SLC48A1: variants seen among roughly 807,000 people sequenced by gnomAD.
SLC48A1 encodes solute carrier family 48 member 1.
SLC48A1 carries 6 observed loss-of-function variants against 14.8 expected under a neutral mutation model. That is an observed-to-expected ratio of 0.41 (90% CI 0.22 to 0.80). The LOEUF (loss-of-function observed/expected upper bound fraction) is 0.80. Ranked by LOEUF, SLC48A1 falls within the 30% of genes least tolerant of loss-of-function variation. SLC48A1 has a pLI of 0.34. For synonymous variants in SLC48A1, 89 were observed against 90.0 expected (o/e 0.99, Z 0.06); for missense variants, 165 against 204.8 (o/e 0.81, Z 1.19).
In SLC48A1 at chr12:47,780,272, C is replaced by T. The variant is rs534227442; in HGVS notation, c.432C>T (p.Ser144=). 4.5e-5 allele frequency: 72 copies of T among 1,614,236 alleles called. 3 individuals are homozygous for T. The South Asian group carries it at 6.7e-4, about 15-fold the overall frequency. ...RADFADISIL[S]DF ...ACTTTGCTGACATCAGCATCCTCAG[C>T]GATTTCTGACCCAGGGGGTGAGGTC... The change falls in exon 3 of 3, where the codon AGC becomes AGT. Residue 144 remains serine, a synonymous_variant. Coordinates refer to ENST00000442218, the MANE Select transcript of SLC48A1 (RefSeq NM_017842.3).
intron 2 of SLC48A1, among the ~76,000 whole-genome samples, chr12:47,762,667 G>A (rs1301041810): frequency 2.0e-5 from 3 of 152,166 alleles, no homozygotes; most frequent in Non-Finnish European, 4.4e-5. Flanking sequence ...TGAGGAAACT[G>A]AGTCACAGGG....
intron 2 of SLC48A1, 108 bp from the exon 3 acceptor site, chr12:47,780,037 G>C (rs1050513386): frequency 2.0e-5 from 27 of 1,351,084 alleles, no homozygotes; most frequent in Admixed American, 3.0e-5. Context: ...TCAGCTGCCA[G>C]GACGTTGCAG....
intron 2 of SLC48A1, among the ~76,000 whole-genome samples, chr12:47,765,968 G>C (rs1942507628): frequency 6.6e-6 from 1 of 152,052 alleles, no homozygotes; most frequent in East Asian, 1.9e-4. Context: ...TGTCCACCCA[G>C]TTCTTGACCA....
At chr12:47,776,767 G>C (rs1186950957) in intron 1 of SLC48A1, among the ~76,000 whole-genome samples, 1 of 152,180 alleles carries the variant, frequency 6.6e-6, no homozygotes, top group Non-Finnish European at 1.5e-5. Flanking sequence ...CATGTACATG[G>C]GGGTGGGAGT....
chr12:47,760,737 G>A (rs1280761620), intron 2 of SLC48A1, among the ~76,000 whole-genome samples: 4 of 152,226 alleles, frequency 2.6e-5, no homozygotes, highest in African/African-American at 9.6e-5. Flanking sequence ...CTGAGGCTCA[G>A]GGATATTAAG....
upstream of SLC48A1, chr12:47,773,082 C>A (rs1942659835): frequency 3.4e-6 from 2 of 589,942 alleles, no homozygotes; most frequent in Non-Finnish European, 4.3e-6. Context: ...TTCCCCCAAA[C>A]GACACGGCAG....
upstream of SLC48A1, among the ~76,000 whole-genome samples, chr12:47,770,172 C>T (rs1406961791): frequency 1.3e-5 from 2 of 152,258 alleles, no homozygotes; most frequent in East Asian, 3.8e-4. Flanking sequence ...AATGTTTAAG[C>T]CTGGCCTTAG....
Position 47,780,409 on chromosome 12 carries a change from G to C in SLC48A1, c.*128G>C. 2 of 1,419,092 alleles carry C rather than the reference G, an allele frequency of 1.4e-6. No homozygotes were observed. Among genetic ancestry groups the C allele is most frequent in the Non-Finnish European group, 2.0e-6 (2 of 1,002,822 alleles). The allele number at this position is 1,419,092 out of a possible 1,614,324, so 87.9% of individuals were successfully genotyped here. ...TGTGGCAGAAAATACACAGCAGGAC[G>C]AGTGTGGTCTCCCAGGAAGCTGTCC... is the stretch of plus-strand genomic sequence containing the variant. On this transcript the variant is annotated 3_prime_UTR_variant, in exon 3 of 3. Coordinates refer to ENST00000442218, the MANE Select transcript of SLC48A1 (RefSeq NM_017842.3).
chr12:47,754,396 G>A (rs1941932801), upstream of SLC48A1, among the ~76,000 whole-genome samples: 1 of 152,224 alleles, frequency 6.6e-6, no homozygotes, highest in Non-Finnish European at 1.5e-5. Flanking sequence ...TTGTGTGCCT[G>A]CCAACCTTCT....
intron 2 of SLC48A1, among the ~76,000 whole-genome samples, chr12:47,762,074 C>A (rs557643048): frequency 6.6e-6 from 1 of 152,270 alleles, no homozygotes; most frequent in African/African-American, 2.4e-5. Context: ...TTTGCCCACA[C>A]CTTGGTACAG....
At chr12:47,759,222 G>C (rs190032745) in intron 1 of SLC48A1, 5 of 538,318 alleles carry the variant, frequency 9.3e-6, no homozygotes, top group Non-Finnish European at 1.2e-5. Flanking sequence ...GAGCGGGGAG[G>C]GGGTGAGTCA....
At position 47,781,155 on chromosome 12, in the gene SLC48A1, C is replaced by G. The variant is rs1592613457; in HGVS notation, c.*874C>G. On this transcript the variant is annotated 3_prime_UTR_variant, in exon 3 of 3. Coordinates refer to ENST00000442218, the MANE Select transcript of SLC48A1 (RefSeq NM_017842.3). ...CTAGAGCCAGATAGCCGTGGCCCCC[C>G]ACCCATCTCACTCACACACACAGGC... The G allele has an allele frequency of 1.6e-5, 5 of 319,150 alleles. No homozygotes were observed. Among genetic ancestry groups the G allele is most frequent in the Admixed American group, 9.2e-5 (2 of 21,692 alleles). The allele number at this position is 319,150 out of a possible 1,614,324, so 19.8% of individuals were successfully genotyped here.
At chr12:47,772,688 G>A (rs935152833), upstream of SLC48A1, among the ~76,000 whole-genome samples, 10 of 150,998 alleles carry the variant, frequency 6.6e-5, no homozygotes, top group Admixed American at 4.0e-4. Flanking sequence ...AAAAAAAAAA[G>A]TAGGGATTTG....
chr12:47,766,489 G>C (rs1942517117), intron 2 of SLC48A1, among the ~76,000 whole-genome samples: 1 of 152,162 alleles, frequency 6.6e-6, no homozygotes, highest in South Asian at 2.1e-4. Flanking sequence ...TCCAGCAACA[G>C]CTCCCTCAGT....
chr12:47,769,101 G>A (rs961953097), upstream of SLC48A1: 15 of 152,350 alleles, frequency 9.8e-5, no homozygotes, highest in African/African-American at 3.4e-4. Context: ...TTTTAAATGA[G>A]CCCAGCCTAG....
upstream of SLC48A1, among the ~76,000 whole-genome samples, chr12:47,757,339 T>G (rs1942133720): frequency 6.6e-6 from 1 of 152,110 alleles, no homozygotes; most frequent in Non-Finnish European, 1.5e-5. Flanking sequence ...TCTCAGATTC[T>G]CCAAATGTCT....
In SLC48A1 at chr12:47,781,614, CTT is replaced by C. The variant is rs1206682154; in HGVS notation, c.*1335_*1336del. On this transcript the variant is annotated 3_prime_UTR_variant, in exon 3 of 3. Coordinates refer to ENST00000442218, the MANE Select transcript of SLC48A1 (RefSeq NM_017842.3). ...ATCTGATGTGTCCTGCCCCTCAGCT[CTT>C]TGCCTTATCTGTGTCACTGTCACTT... is the stretch of plus-strand genomic sequence containing the variant. 1 of 152,786 alleles carries C rather than the reference CTT, an allele frequency of 6.5e-6. No individual in the cohort carries two copies. Among genetic ancestry groups the C allele is most frequent in the African/African-American group, 2.4e-5 (1 of 41,454 alleles). The allele number at this position is 152,786 out of a possible 1,614,324, so 9.5% of individuals were successfully genotyped here.
Position 47,779,107 on chromosome 12 carries a change from C to G in SLC48A1, c.216C>G (p.Arg72=). 6.4e-7 allele frequency: 1 copy of G among 1,551,886 alleles called. No individual in the cohort carries two copies. Among genetic ancestry groups the G allele is most frequent in the Non-Finnish European group, 8.7e-7 (1 of 1,147,030 alleles). ...GGAGGACCTGGCTCAAGGGGCTGCGCGGCTTCTTCTTCGTGGGCGTCCTCT... is the reference window on the plus strand; with the variant it reads ...GGAGGACCTGGCTCAAGGGGCTGCGGGGCTTCTTCTTCGTGGGCGTCCTCT... ...DYWRTWLKGL[R]GFFFVGVLFS... is the part of the protein sequence containing the mutation. Residue 72 remains arginine, a synonymous_variant, in exon 2 of 3, where the codon CGC becomes CGG. Transcript: ENST00000442218.
chr12:47,759,933 CCAT>C (rs1942324490), intron 1 of SLC48A1, among the ~76,000 whole-genome samples: 1 of 152,158 alleles, frequency 6.6e-6, no homozygotes, highest in South Asian at 2.1e-4. Context: ...GCATCCTCCA[CCAT>C]GATTATTTTC....
Sources: gnomAD v4.1 joint callset for allele counts (sites outside exome capture counted in the v4.1 genomes callset) on GRCh38, gnomAD v4.1.1 for gene constraint, MANE v1.5 for transcripts, NCBI Gene and HGNC (gene_info 2026-07-23, HGNC 2026-07-21) for gene names.